RCC2: variants seen among roughly 807,000 people sequenced by gnomAD.
The protein encoded by RCC2 is protein RCC2.
A neutral mutation model predicts 64.1 loss-of-function variants in RCC2; 19 were observed. The ratio of observed to expected loss-of-function variants is 0.30; its 90% confidence interval spans 0.21 to 0.44. RCC2 has a LOEUF of 0.44. Ranked by LOEUF, RCC2 falls within the 20% of genes least tolerant of loss-of-function variation. RCC2 has a pLI of 1.00. For synonymous variants in RCC2, 325 were observed against 279.6 expected (o/e 1.16, Z -1.62); for missense variants, 508 against 710.4 (o/e 0.72, Z 3.24).
At chr1:17,429,224 A>G in intron 2 of RCC2, 25 bp from the exon 3 acceptor site, 2 of 1,580,704 alleles carry the variant, frequency 1.3e-6, no homozygotes, top group South Asian at 2.2e-5. Flanking sequence ...AAAGGAAAAA[A>G]GAATTAGTGT....
Position 17,408,450 on chromosome 1 carries a change from C to G in RCC2, c.*640G>C, listed in dbSNP as rs986661553. On this transcript the variant is annotated 3_prime_UTR_variant, in exon 13 of 13. Transcript: ENST00000375436. Reference sequence around the variant, plus strand: ...AATGGCTAAACACAGATCCCCAATCCCCCACCAGGGGGGACACGGCCGATT... The same window carrying G: ...AATGGCTAAACACAGATCCCCAATCGCCCACCAGGGGGGACACGGCCGATT... The G allele has an allele frequency of 6.6e-6, 1 of 152,438 alleles. No homozygotes were observed. The highest frequency in any genetic ancestry group is 1.5e-5 in the Non-Finnish European group (1 of 68,220). The allele number at this position is 152,438 out of a possible 1,614,324, so 9.4% of individuals were successfully genotyped here. A position where few individuals can be genotyped will look rare whatever the true frequency, so the allele number is the denominator to read the frequency against.
At chr1:17,426,531 T>C (rs1232010931) in intron 3 of RCC2, among the ~76,000 whole-genome samples, 6 of 151,884 alleles carry the variant, frequency 4.0e-5, no homozygotes, top group African/African-American at 1.5e-4. Context: ...CTGCCCCAGC[T>C]CTGCTCAGCC....
chr1:17,415,185 T>A (rs533309838), intron 8 of RCC2, among the ~76,000 whole-genome samples: 1 of 152,132 alleles, frequency 6.6e-6, no homozygotes, highest in East Asian at 1.9e-4. Flanking sequence ...AACAAATCAG[T>A]TTTTGGACTT....
chr1:17,410,072 T>A (rs1290197753), intron 11 of RCC2, 21 bp from the exon 12 acceptor site: 7 of 1,610,602 alleles, frequency 4.3e-6, no homozygotes, highest in Non-Finnish European at 5.9e-6. Flanking sequence ...AAACAAGATG[T>A]TCGCAATCGA....
chr1:17,409,244 A>G (rs2075399223), intron 12 of RCC2, 50 bp from the exon 13 acceptor site: 1 of 1,175,310 alleles, frequency 8.5e-7, no homozygotes, highest in South Asian at 1.2e-5. Flanking sequence ...TGGACTAATC[A>G]ATGCGTTGAA....
intron 7 of RCC2, among the ~76,000 whole-genome samples, chr1:17,416,925 T>C (rs916314706): frequency 6.6e-6 from 1 of 152,196 alleles, no homozygotes; most frequent in African/African-American, 2.4e-5. Flanking sequence ...AATGGCACCA[T>C]GTTACAACAA....
intron 7 of RCC2, among the ~76,000 whole-genome samples, chr1:17,418,160 T>C (rs1350860050): frequency 6.6e-6 from 1 of 151,170 alleles, no homozygotes; most frequent in Non-Finnish European, 1.5e-5. Context: ...ACAATAAAAC[T>C]CCTGGGCTTG....
intron 7 of RCC2, among the ~76,000 whole-genome samples, chr1:17,418,213 A>G (rs903207927): frequency 7.8e-6 from 1 of 128,740 alleles, no homozygotes; most frequent in East Asian, 2.3e-4. Context: ...AGCAGGTTCT[A>G]TTTTTTTTTT....
At chr1:17,415,958 A>T (rs1329811303) in intron 8 of RCC2, among the ~76,000 whole-genome samples, 1 of 151,130 alleles carries the variant, frequency 6.6e-6, no homozygotes, top group Non-Finnish European at 1.5e-5. Context: ...AATCCCAGCT[A>T]CTCGGGAGGC....
At chr1:17,425,434 C>A in intron 4 of RCC2, 107 bp downstream of exon 4, 1 of 1,192,836 alleles carries the variant, frequency 8.4e-7, no homozygotes. Context: ...CGAAGGAGCC[C>A]AGCCTTATAA....
At chr1:17,416,909 C>G (rs879297963) in intron 7 of RCC2, among the ~76,000 whole-genome samples, 1 of 152,216 alleles carries the variant, frequency 6.6e-6, no homozygotes, top group African/African-American at 2.4e-5. Context: ...ATACTCTACA[C>G]ATAATAATGG....
In RCC2 at chr1:17,438,347, G is replaced by A; in HGVS notation, c.168C>T (p.Gly56=). Residue 56 remains glycine (G), a synonymous_variant, in exon 2 of 13, where the codon GGC becomes GGT. Transcript: ENST00000375436. ...CGCCGGGGGCCCCGTCGAGCTCCAG[G>A]CCGTCCTCGTCGCCGCTGCTGCCGC... ...SGGGSSGDED[G]LELDGAPGGG... is the part of the protein sequence containing the mutation. 1 of 1,243,944 alleles carries A rather than the reference G, an allele frequency of 8.0e-7. No homozygotes were observed. 77.1% of individuals were successfully genotyped at this position (1,243,944 alleles called of 1,614,324 possible). A position where few individuals can be genotyped will look rare whatever the true frequency, so the allele number is the denominator to read the frequency against.
At chr1:17,438,207 CG>C (rs1193576989) in intron 2 of RCC2, 22 bp downstream of exon 2, 2 of 1,237,408 alleles carry the variant, frequency 1.6e-6, no homozygotes, top group African/African-American at 3.2e-5. Flanking sequence ...TGCGCCCACC[CG>C]TCTACCCTGA....
At chr1:17,438,916 C>T (rs563445638) in intron 1 of RCC2, among the ~76,000 whole-genome samples, 1 of 152,336 alleles carries the variant, frequency 6.6e-6, no homozygotes, top group East Asian at 1.9e-4. Flanking sequence ...TTCCAGGATT[C>T]CCCCTTGGCA....
At chr1:17,434,364 G>A (rs2075714706) in intron 2 of RCC2, among the ~76,000 whole-genome samples, 1 of 152,214 alleles carries the variant, frequency 6.6e-6, no homozygotes, top group African/African-American at 2.4e-5. Context: ...TGAAGCCTCC[G>A]TTAAAAACCT....
At chr1:17,433,352 C>CA (rs1288174683) in intron 2 of RCC2, among the ~76,000 whole-genome samples, 6 of 152,228 alleles carry the variant, frequency 3.9e-5, no homozygotes, top group Non-Finnish European at 8.8e-5. Context: ...AGGGGTGCTC[C>CA]TCTTCCTCAG....
At position 17,409,192 on chromosome 1, in the gene RCC2, G is replaced by A. The variant is rs2075398256; in HGVS notation, c.1467C>T (p.Val489=). The A allele has an allele frequency of 2.5e-6, 4 of 1,603,208 alleles. No individual in the cohort carries two copies. Among genetic ancestry groups the A allele is most frequent in the Non-Finnish European group, 3.4e-6 (4 of 1,170,058 alleles). ...CCAAGGAGTGTGAGTAGCCCATGGC[G>A]ACCTGGGGGGACAAATCAGCGTTGG... ...KTLDGIFSEQ[V]AMGYSHSLVI... is the part of the protein sequence containing the mutation. Residue 489 remains valine, a splice_region_variant and synonymous_variant, in exon 13 of 13, where the codon GTC becomes GTT. Transcript: ENST00000375436.
chr1:17,411,233 C>T (rs1276021000), intron 11 of RCC2, among the ~76,000 whole-genome samples: 1 of 152,036 alleles, frequency 6.6e-6, no homozygotes, highest in Admixed American at 6.6e-5. Context: ...CTAGTGTAGG[C>T]AGATCAGGAT....
At chr1:17,436,918 G>T (rs143050804) in intron 2 of RCC2, among the ~76,000 whole-genome samples, 134 of 152,286 alleles carry the variant, frequency 8.8e-4, no homozygotes, top group Non-Finnish European at 1.7e-3. Flanking sequence ...CAATACTTTG[G>T]CCATTGTCTA....
Sources: gnomAD v4.1 joint callset for allele counts (sites outside exome capture counted in the v4.1 genomes callset) on GRCh38, gnomAD v4.1.1 for gene constraint, MANE v1.5 for transcripts, NCBI Gene and HGNC (gene_info 2026-07-23, HGNC 2026-07-21) for gene names.